Variants in SNAPC1 observed in about 807,000 individuals in gnomAD.
The protein encoded by SNAPC1 is small nuclear RNA activating complex polypeptide 1, also known as snRNA-activating protein complex subunit 1.
In SNAPC1, 42 loss-of-function variants were observed where a neutral mutation model predicts 50.1. The observed-to-expected ratio is 0.84, with a 90% CI of 0.65 to 1.08. The LOEUF (loss-of-function observed/expected upper bound fraction) is 1.08. SNAPC1 is among the 50% of genes least tolerant of loss of function. The pLI, the probability that SNAPC1 is intolerant of heterozygous loss-of-function variation, is 0.00. For missense variants in SNAPC1, 477 were observed against 427.3 expected, an observed-to-expected ratio of 1.12 and a Z score of -1.02; for synonymous variants, 164 against 144.2, an observed-to-expected ratio of 1.14 and a Z score of -0.98.
chr14:61,794,513 C>A (rs913827619), intron 9 of SNAPC1, among the ~76,000 whole-genome samples: 12 of 152,148 alleles, frequency 7.9e-5, no homozygotes, highest in African/African-American at 2.9e-4. Flanking sequence ...TCAAGCAATT[C>A]TCCTGCTTCA....
At chr14:61,794,923 C>T in intron 9 of SNAPC1, 26 bp from the exon 10 acceptor site, 1 of 1,523,270 alleles carries the variant, frequency 6.6e-7, no homozygotes, top group Non-Finnish European at 9.0e-7. Flanking sequence ...TTAGATCTGA[C>T]TGACTTTTAA....
intron 3 of SNAPC1, among the ~76,000 whole-genome samples, chr14:61,768,049 C>T (rs2044961773): frequency 6.6e-6 from 1 of 152,194 alleles, no homozygotes; most frequent in African/African-American, 2.4e-5. Context: ...CAAAGTGCTG[C>T]TCACCTCAGG....
intron 8 of SNAPC1, among the ~76,000 whole-genome samples, chr14:61,786,213 A>G (rs1210458114): frequency 1.3e-5 from 2 of 152,212 alleles, no homozygotes; most frequent in African/African-American, 4.8e-5. Flanking sequence ...TGTAGGAGAA[A>G]AATGTTTGTG....
rs769605474 is a variant in SNAPC1, at chr14:61,762,566, A to T, written c.106A>T (p.Met36Leu). ...GGACTTCACGGAGCTCTGGAGAAAC[A>T]TGAAGTTCGGGACTATCTTCTGGTG... is the stretch of plus-strand genomic sequence containing the variant. ...FEDFTELWRN[M>L]KFGTIFCGRM... is the part of the protein sequence containing the mutation. The change falls in exon 1 of 10, where the codon ATG becomes TTG. Residue 36 changes from methionine (M) to leucine (L), a missense_variant. Physicochemically the swap from Met to Leu is conservative, Grantham distance 15. Coordinates refer to ENST00000216294, the MANE Select transcript of SNAPC1 (RefSeq NM_003082.4). The T allele has an allele frequency of 5.6e-6, 9 of 1,612,636 alleles. No individual in the cohort carries two copies. Among genetic ancestry groups the T allele is most frequent in the Non-Finnish European group, 7.6e-6 (9 of 1,179,316 alleles).
intron 4 of SNAPC1, among the ~76,000 whole-genome samples, chr14:61,769,790 A>G (rs1410828504): frequency 2.0e-5 from 3 of 152,204 alleles, no homozygotes; most frequent in Non-Finnish European, 4.4e-5. Context: ...TTGAGTGTAC[A>G]GTATTGGGAA....
At chr14:61,769,619 G>A (rs995818142) in intron 4 of SNAPC1, among the ~76,000 whole-genome samples, 7 of 151,882 alleles carry the variant, frequency 4.6e-5, no homozygotes, top group African/African-American at 1.5e-4. Context: ...GGATGGTCTC[G>A]ATCTCCTGAC....
chr14:61,786,158 T>C (rs1011409926), intron 8 of SNAPC1, among the ~76,000 whole-genome samples: 1 of 152,194 alleles, frequency 6.6e-6, no homozygotes, highest in African/African-American at 2.4e-5. Context: ...AAATGGATTA[T>C]GGACCTAAAT....
rs1308981370 is a variant in SNAPC1 at position 61,792,852 on chromosome 14, G to T, written c.1022G>T (p.Ser341Ile). The T allele has an allele frequency of 6.2e-7, 1 of 1,605,572 alleles. No homozygotes were observed. Among genetic ancestry groups the T allele is most frequent in the South Asian group, 1.1e-5 (1 of 90,114 alleles). The change falls in exon 9 of 10, where the codon AGT (serine) becomes ATT (isoleucine). Residue 341 changes from serine (S) to isoleucine (I), a missense_variant. Ser to Ile is a moderately radical substitution (Grantham distance 142). Coordinates refer to ENST00000216294, the MANE Select transcript of SNAPC1 (RefSeq NM_003082.4). ...AAGGAAGATAAACCTTTAAGTCTGA[G>T]TATGCCTGTAATTACAGAAGAAGAA... Reference protein sequence around the residue: ...IHKEDKPLSLSMPVITEEEEN... With the variant: ...IHKEDKPLSLIMPVITEEEEN...
intron 8 of SNAPC1, among the ~76,000 whole-genome samples, chr14:61,787,718 A>G (rs1332104414): frequency 6.6e-6 from 1 of 152,182 alleles, no homozygotes; most frequent in Admixed American, 6.6e-5. Context: ...ATACTCCTAA[A>G]TTTGGTTTTC....
chr14:61,790,485 G>A (rs559538625), intron 8 of SNAPC1, among the ~76,000 whole-genome samples: 10 of 152,188 alleles, frequency 6.6e-5, no homozygotes, highest in East Asian at 1.9e-4. Context: ...ACAGGCGCTC[G>A]CCACCACGCC....
At chr14:61,778,794 T>C (rs1044581856) in intron 6 of SNAPC1, 54 bp from the exon 7 acceptor site, 1 of 1,068,156 alleles carries the variant, frequency 9.4e-7, no homozygotes, top group Non-Finnish European at 1.4e-6. Flanking sequence ...TATTCAGTTT[T>C]TCACCTAATG....
At chr14:61,772,048 A>G (rs2044995089) in intron 4 of SNAPC1, among the ~76,000 whole-genome samples, 1 of 152,204 alleles carries the variant, frequency 6.6e-6, no homozygotes, top group African/African-American at 2.4e-5. Flanking sequence ...CATTATTCTT[A>G]TCAATATTCT....
intron 1 of SNAPC1, among the ~76,000 whole-genome samples, chr14:61,762,795 T>C (rs1320214399): frequency 2.0e-5 from 3 of 151,756 alleles, no homozygotes; most frequent in African/African-American, 4.8e-5. Flanking sequence ...TGTTGCGGCC[T>C]CCTCCCAAAT....
chr14:61,764,214 A>G lies in SNAPC1; in HGVS notation c.128+1626A>G, dbSNP rs1594641152. On this transcript the variant is annotated intron_variant, in intron 1 of 9. Coordinates refer to ENST00000216294, the MANE Select transcript of SNAPC1 (RefSeq NM_003082.4). The stretch of plus-strand genomic sequence containing the variant: ...TGACTAGACTGACCTCTGTGAGGAC[A>G]GTGACTGGATGAATCTATTTTTATT... Among the ~76,000 whole-genome samples, 2 of 152,244 alleles carry G rather than the reference A, an allele frequency of 1.3e-5. 1 individual carries two copies. The highest frequency in any genetic ancestry group is 4.1e-4 in the South Asian group (2 of 4,836).
At chr14:61,784,106 G>A (rs929164902) in intron 8 of SNAPC1, among the ~76,000 whole-genome samples, 16 of 147,006 alleles carry the variant, frequency 1.1e-4, no homozygotes, top group South Asian at 2.4e-4. Context: ...TGATTAAGTC[G>A]TGTAACAGTA....
At chr14:61,768,568 A>C in intron 3 of SNAPC1, 68 bp from the exon 4 acceptor site, 1 of 858,800 alleles carries the variant, frequency 1.2e-6, no homozygotes, top group South Asian at 1.6e-5. Flanking sequence ...GTGCTGGCTT[A>C]TATTTCAATA....
intron 1 of SNAPC1, among the ~76,000 whole-genome samples, chr14:61,763,774 A>G (rs369823869): frequency 1.3e-5 from 2 of 152,072 alleles, no homozygotes; most frequent in African/African-American, 2.4e-5. Flanking sequence ...ATGGAACCCA[A>G]TTGGCTGCAT....
intron 8 of SNAPC1, among the ~76,000 whole-genome samples, chr14:61,786,805 C>T (rs192936386): frequency 3.2e-4 from 49 of 152,300 alleles, no homozygotes; most frequent in Admixed American, 1.8e-3. Flanking sequence ...GGTATTTACT[C>T]AAGAGAAATG....
chr14:61,791,846 C>CA lies in SNAPC1; in HGVS notation c.977-950dup, dbSNP rs113280111. On this transcript the variant is annotated intron_variant, in intron 8 of 9. Transcript: ENST00000216294. ...CCTGGGCTACAGAGAGACTCTGTCT[C>CA]AAAAAAAAAAATAGCTTAAGTGTGC... Among the ~76,000 whole-genome samples the CA allele has an allele frequency of 5.4e-3, 778 of 142,998 alleles. 5 individuals are homozygous for CA. The highest frequency in any genetic ancestry group is 0.018 in the African/African-American group (691 of 39,118). The allele number at this position is 142,998 out of a possible 152,430, so 93.8% of individuals were successfully genotyped here. A position where few individuals can be genotyped will look rare whatever the true frequency, so the allele number is the denominator to read the frequency against.
Sources: allele counts gnomAD v4.1 joint callset (sites outside exome capture counted in the v4.1 genomes callset), GRCh38; gene constraint gnomAD v4.1.1; transcripts MANE v1.5; gene names NCBI Gene and HGNC (gene_info 2026-07-23, HGNC 2026-07-21).